DST: variants seen among roughly 807,000 people sequenced by gnomAD.
The protein encoded by DST is bullous pemphigoid antigen.
DST carries 253 observed loss-of-function variants against 875.2 expected under a neutral mutation model. The ratio of observed to expected loss-of-function variants is 0.29; its 90% CI spans 0.26 to 0.32. The LOEUF is 0.32. Among genes scored for constraint, DST ranks in the 10% least tolerant of loss-of-function variants. The probability of loss-of-function intolerance (pLI) is 1.00; values close to 1 mark genes in which losing one functional copy is unlikely to be tolerated. For synonymous variants in DST, 3,124 were observed against 3,197.1 expected, an observed-to-expected ratio of 0.98 and a Z score of 0.77; for missense variants, 8,287 against 9,111.6, an observed-to-expected ratio of 0.91 and a Z score of 3.68.
chr6:56,904,409 A>G (rs567051401), intron 2 of DST, among the ~76,000 whole-genome samples: 7 of 152,312 alleles, frequency 4.6e-5, no homozygotes, highest in African/African-American at 1.7e-4. Flanking sequence ...TTCTTCTTTA[A>G]TTTGTCAAAT....
At chr6:56,788,992 T>A (rs1406712876) in intron 4 of DST, among the ~76,000 whole-genome samples, 2 of 152,202 alleles carry the variant, frequency 1.3e-5, no homozygotes, top group Non-Finnish European at 2.9e-5. Flanking sequence ...GTAGAAACAT[T>A]GTTTTAAATG....
At chr6:56,697,611 T>C (rs1320604701) in intron 9 of DST, among the ~76,000 whole-genome samples, 1 of 152,154 alleles carries the variant, frequency 6.6e-6, no homozygotes, top group Non-Finnish European at 1.5e-5. Context: ...ATCACAACAG[T>C]AAGTAAAAGA....
chr6:56,764,199 T>A (rs1042424316), intron 4 of DST, among the ~76,000 whole-genome samples: 1 of 151,990 alleles, frequency 6.6e-6, no homozygotes, highest in Non-Finnish European at 1.5e-5. Context: ...AGGGCCTCTG[T>A]GAACCTCTCT....
chr6:56,811,105 G>C (rs1561955276), intron 4 of DST, among the ~76,000 whole-genome samples: 1 of 147,880 alleles, frequency 6.8e-6, no homozygotes, highest in Non-Finnish European at 1.5e-5. Flanking sequence ...GATCACTTGA[G>C]CCTGGAAGGT....
intron 4 of DST, among the ~76,000 whole-genome samples, chr6:56,846,228 T>A (rs138949619): frequency 6.6e-6 from 1 of 152,310 alleles, no homozygotes; most frequent in Non-Finnish European, 1.5e-5. Flanking sequence ...AGCAGAATTG[T>A]TTGCATTCAC....
Position 56,614,404 on chromosome 6 carries a change from T to C in DST, c.5010A>G (p.Thr1670=). Residue 1670 remains threonine (T), a synonymous_variant, in exon 37 of 104, where the codon ACA becomes ACG. Transcript: ENST00000680361. ...LQKWVSNISK[T]LKDAEKAGKP... is the part of the protein sequence containing the mutation. Reference sequence around the variant, plus strand: ...TTCCAGCCTTCTCTGCATCTTTCAATGTCTTGCTGATATTTGATACCCATT... The same window carrying C: ...TTCCAGCCTTCTCTGCATCTTTCAACGTCTTGCTGATATTTGATACCCATT... The C allele has an allele frequency of 3.1e-6, 5 of 1,611,096 alleles. No individual in the cohort carries two copies. The highest frequency in any genetic ancestry group is 4.2e-6 in the Non-Finnish European group (5 of 1,178,616).
chr6:56,923,219 T>C (rs1217134038), intron 2 of DST, among the ~76,000 whole-genome samples: 1 of 152,074 alleles, frequency 6.6e-6, no homozygotes, highest in Non-Finnish European at 1.5e-5. Flanking sequence ...AAAAATTCCC[T>C]TAAATTTTTA....
intron 4 of DST, among the ~76,000 whole-genome samples, chr6:56,786,077 T>C (rs1215231370): frequency 6.6e-6 from 1 of 152,208 alleles, no homozygotes; most frequent in Non-Finnish European, 1.5e-5. Context: ...GAAGCTGTCA[T>C]TAATGAATAA....
intron 85 of DST, among the ~76,000 whole-genome samples, chr6:56,491,271 C>T (rs1291941603): frequency 2.0e-5 from 3 of 152,124 alleles, no homozygotes; most frequent in Non-Finnish European, 2.9e-5. Context: ...ACCTGACTCC[C>T]GTGACATCTT....
intron 13 of DST, 103 bp from the exon 14 acceptor site, chr6:56,646,285 G>C: frequency 1.7e-6 from 1 of 576,526 alleles, no homozygotes; most frequent in Non-Finnish European, 2.8e-6. Context: ...ATCATATGCA[G>C]TCAGTGGAAT....
chr6:56,807,157 C>A (rs529399838), intron 4 of DST, among the ~76,000 whole-genome samples: 6 of 152,082 alleles, frequency 3.9e-5, no homozygotes, highest in South Asian at 2.1e-4. Flanking sequence ...CTCAAGCAGT[C>A]CCCCCATGTC....
chr6:56,734,209 G>C (rs531530954), intron 5 of DST, among the ~76,000 whole-genome samples: 1 of 152,262 alleles, frequency 6.6e-6, no homozygotes, highest in Admixed American at 6.5e-5. Flanking sequence ...CAACCAGAGA[G>C]TGCGTGATGT....
chr6:56,916,895 G>A (rs890843206), intron 2 of DST, among the ~76,000 whole-genome samples: 6 of 147,906 alleles, frequency 4.1e-5, no homozygotes, highest in Non-Finnish European at 8.9e-5. Flanking sequence ...AGTCCCAAAG[G>A]TGAGCTACAT....
Position 56,921,787 on chromosome 6 carries a change from C to G in DST, c.217-21166G>C, listed in dbSNP as rs575621978. 9.9e-5 allele frequency among the ~76,000 whole-genome samples: 15 copies of G among 151,900 alleles called. No individual in the cohort carries two copies. In the South Asian group the frequency reaches 3.1e-3, roughly 32 times the overall value. On this transcript the variant is annotated intron_variant, in intron 2 of 103. Coordinates refer to ENST00000680361, the MANE Select transcript of DST (RefSeq NM_001374736.1). ...CAATCAAAACTGTGAAGACTACCGG[C>G]AGAAAAGGATCTTTTTGTTATTTCG...
intron 2 of DST, among the ~76,000 whole-genome samples, chr6:56,910,755 G>A (rs1031001934): frequency 1.4e-4 from 21 of 152,288 alleles, no homozygotes; most frequent in African/African-American, 4.3e-4. Flanking sequence ...AAAGTGCTGG[G>A]ATTACAAGCA....
In DST at chr6:56,699,731, A is replaced by T; in HGVS notation, c.969T>A (p.Asn323Lys). Residue 323 changes from asparagine to lysine, a missense_variant, in exon 9 of 104, where the codon AAT (asparagine) becomes AAA (lysine). By Grantham distance (94) the Asn-to-Lys change is moderately conservative. Around this residue, in one of 10 missense-constraint regions of DST, gnomAD observed 1,160 missense variants for 1,424.3 expected, o/e 0.81. Coordinates refer to ENST00000680361, the MANE Select transcript of DST (RefSeq NM_001374736.1). ...YLKRRQVKLV[N>K]IRNDDITDGN... ...CATCTGTTATGTCATCATTTCTAAT[A>T]TTCACTAATTTCACCTGTTTTGAAT... The T allele has an allele frequency of 6.7e-7, 1 of 1,488,750 alleles. No individual in the cohort carries two copies. Among genetic ancestry groups the T allele is most frequent in the Non-Finnish European group, 9.0e-7 (1 of 1,111,722 alleles). 92.2% of individuals were successfully genotyped at this position (1,488,750 alleles called of 1,614,324 possible).
intron 4 of DST, among the ~76,000 whole-genome samples, chr6:56,778,853 T>C (rs962552501): frequency 3.3e-5 from 5 of 152,074 alleles, no homozygotes; most frequent in Admixed American, 6.5e-5. Flanking sequence ...TACGTGTGCA[T>C]GTGTCTTTAC....
At position 56,459,135 on chromosome 6, in the gene DST, T is replaced by G. The variant is rs2094192385; in HGVS notation, c.23327A>C (p.Glu7776Ala). 1.9e-6 allele frequency: 3 copies of G among 1,612,846 alleles called. No individual in the cohort carries two copies. Among genetic ancestry groups the G allele is most frequent in the African/African-American group, 2.7e-5 (2 of 74,594 alleles). Residue 7776 changes from glutamate to alanine, a missense_variant, in exon 104 of 104, where the codon GAA becomes GCA. Coordinates refer to ENST00000680361, the MANE Select transcript of DST (RefSeq NM_001374736.1). ...AGGTCTGTGTGTCTGGGGGACAGTTTCCACATCTGAGCACACGGACTGGAT... is the reference window on the plus strand; with the variant it reads ...AGGTCTGTGTGTCTGGGGGACAGTTGCCACATCTGAGCACACGGACTGGAT... ...SEIQSVCSDVETVPQTHRPTP... is the reference protein window; with the variant it reads ...SEIQSVCSDVATVPQTHRPTP...
intron 4 of DST, among the ~76,000 whole-genome samples, chr6:56,827,304 A>C (rs1420613271): frequency 6.6e-6 from 1 of 152,112 alleles, no homozygotes; most frequent in Non-Finnish European, 1.5e-5. Flanking sequence ...TCACCAGGTC[A>C]AGAGTTTGAG....
Sources: allele counts gnomAD v4.1 joint callset (sites outside exome capture counted in the v4.1 genomes callset), GRCh38; gene constraint gnomAD v4.1.1; regional missense constraint gnomAD v4.1.1; transcripts MANE v1.5; gene names NCBI Gene and HGNC (gene_info 2026-07-23, HGNC 2026-07-21).